PLPPR5: variants seen among roughly 807,000 people sequenced by gnomAD.
PLPPR5 encodes the protein phospholipid phosphatase-related protein type 5.
PLPPR5 carries 16 observed loss-of-function variants against 33.9 expected under a neutral mutation model. That is an observed-to-expected ratio of 0.47 (90% CI 0.32 to 0.72). PLPPR5 has a LOEUF of 0.72. Ranked by LOEUF, PLPPR5 falls within the 30% of genes least tolerant of loss-of-function variation. PLPPR5 has a pLI of 0.03. For synonymous variants in PLPPR5, 163 were observed against 150.3 expected (o/e 1.08, Z -0.62); for missense variants, 301 against 406.7 (o/e 0.74, Z 2.23).
intron 5 of PLPPR5, among the ~76,000 whole-genome samples, chr1:98,911,024 C>T (rs1169878486): frequency 6.6e-6 from 1 of 152,006 alleles, no homozygotes; most frequent in Non-Finnish European, 1.5e-5. Flanking sequence ...GTAGGCTTTC[C>T]TTAAGTGGTA....
chr1:98,987,262 T>C (rs537580943), intron 1 of PLPPR5, among the ~76,000 whole-genome samples: 49 of 151,962 alleles, frequency 3.2e-4, no homozygotes, highest in African/African-American at 1.2e-3. Context: ...AAGAGAGGTA[T>C]TAAAATAATT....
intron 1 of PLPPR5, among the ~76,000 whole-genome samples, chr1:98,968,661 C>T (rs943326977): frequency 2.0e-5 from 3 of 151,900 alleles, no homozygotes; most frequent in Admixed American, 6.6e-5. Flanking sequence ...GCACTGTATG[C>T]CTGTATCAAA....
chr1:98,986,342 T>C (rs1296878373), intron 1 of PLPPR5, among the ~76,000 whole-genome samples: 1 of 151,848 alleles, frequency 6.6e-6, no homozygotes, highest in Non-Finnish European at 1.5e-5. Flanking sequence ...TGTACTAACA[T>C]TCATAAAATG....
intron 1 of PLPPR5, among the ~76,000 whole-genome samples, chr1:98,959,703 A>G (rs1264056593): frequency 6.6e-6 from 1 of 152,186 alleles, no homozygotes; most frequent in Admixed American, 6.5e-5. Flanking sequence ...AGCTCGGTCC[A>G]AGGAAACAGT....
chr1:99,003,094 T>TATAC (rs1652929993), intron 1 of PLPPR5, among the ~76,000 whole-genome samples: 3 of 132,456 alleles, frequency 2.3e-5, no homozygotes, highest in Non-Finnish European at 3.3e-5. Flanking sequence ...TATATATATA[T>TATAC]ATGTAAAACA....
chr1:98,892,903 A>G lies in PLPPR5; in HGVS notation c.*169T>C. 1 of 641,948 alleles carries G rather than the reference A, an allele frequency of 1.6e-6. No homozygotes were observed. The highest frequency in any genetic ancestry group is 2.0e-5 in the South Asian group (1 of 49,830). 39.8% of individuals were successfully genotyped at this position (641,948 alleles called of 1,614,324 possible). A position where few individuals can be genotyped will look rare whatever the true frequency, so the allele number is the denominator to read the frequency against. On this transcript the variant is annotated 3_prime_UTR_variant, in exon 6 of 6. Transcript: ENST00000263177. ...AAAAAAGACAATCCTGCCCTCGAGG[A>G]GCTCACAGTCTAGTGGGGGAAACAG...
At chr1:98,937,311 A>G (rs1051315492) in intron 3 of PLPPR5, among the ~76,000 whole-genome samples, 2 of 152,260 alleles carry the variant, frequency 1.3e-5, no homozygotes, top group African/African-American at 2.4e-5. Context: ...AAAGATGGCT[A>G]TAACAGTCTC....
chr1:98,957,663 G>C (rs891214440), intron 1 of PLPPR5, among the ~76,000 whole-genome samples: 3 of 152,102 alleles, frequency 2.0e-5, no homozygotes, highest in African/African-American at 7.2e-5. Flanking sequence ...AGAGCCTCCT[G>C]TTCTGAGACA....
rs1342027772 is a variant in PLPPR5 at position 98,939,315 on chromosome 1, T to TCCG, written c.621+13754_621+13755insCGG. 3.3e-3 allele frequency among the ~76,000 whole-genome samples: 489 copies of TCCG among 149,698 alleles called. 4 individuals carry two copies. The highest frequency in any genetic ancestry group is 7.0e-3 in the Middle Eastern group (2 of 284). ...AGAGGAAGGGATGCTAAAAGTGATT[T>TCCG]GCTTTTGTGTCAAATATGCTAGGTG... On this transcript the variant is annotated intron_variant, in intron 3 of 5. Coordinates refer to ENST00000263177, the MANE Select transcript of PLPPR5 (RefSeq NM_001037317.2).
chr1:98,951,873 T>A (rs1232915040), intron 3 of PLPPR5, among the ~76,000 whole-genome samples: 1 of 152,192 alleles, frequency 6.6e-6, no homozygotes, highest in Non-Finnish European at 1.5e-5. Context: ...TGGTTTCGAA[T>A]TGGTCCTGAG....
intron 5 of PLPPR5, among the ~76,000 whole-genome samples, chr1:98,909,482 C>G (rs1011280003): frequency 8.6e-5 from 13 of 151,346 alleles, no homozygotes; most frequent in African/African-American, 3.2e-4. Context: ...GGAAAACTTT[C>G]CATGTTTTGA....
In PLPPR5 at chr1:99,004,562, G is replaced by C; in HGVS notation, c.110C>G (p.Thr37Ser). The change falls in exon 1 of 6, where the codon ACC becomes AGC. Residue 37 changes from threonine (T) to serine (S), a missense_variant. Coordinates refer to ENST00000263177, the MANE Select transcript of PLPPR5 (RefSeq NM_001037317.2). Reference protein sequence around the residue: ...AYYFEYTDTFTVNVQGFFCHD... With the variant: ...AYYFEYTDTFSVNVQGFFCHD... Reference sequence around the variant, plus strand: ...GCAGAAGAAGCCCTGCACGTTCACGGTGAACGTGTCCGTATACTCGAAGTA... The same window carrying C: ...GCAGAAGAAGCCCTGCACGTTCACGCTGAACGTGTCCGTATACTCGAAGTA... 1 of 1,613,110 alleles carries C rather than the reference G, an allele frequency of 6.2e-7. No homozygotes were observed. The highest frequency in any genetic ancestry group is 8.5e-7 in the Non-Finnish European group (1 of 1,179,868).
chr1:98,903,214 G>T (rs189552769), intron 5 of PLPPR5, among the ~76,000 whole-genome samples: 78 of 152,082 alleles, frequency 5.1e-4, no homozygotes, highest in Admixed American at 1.0e-3. Flanking sequence ...AATGCTCAAA[G>T]CCTAGATTAA....
At chr1:98,983,348 T>A (rs545138665) in intron 1 of PLPPR5, among the ~76,000 whole-genome samples, 216 of 132,376 alleles carry the variant, frequency 1.6e-3, no homozygotes, top group South Asian at 0.013. Context: ...TTTGGTTTTT[T>A]GTTCTTGCGA....
chr1:98,909,922 A>T (rs895597805), intron 5 of PLPPR5, among the ~76,000 whole-genome samples: 2 of 152,198 alleles, frequency 1.3e-5, no homozygotes, highest in African/African-American at 4.8e-5. Context: ...GTTCAGATAG[A>T]TATACTTGTC....
Position 98,969,838 on chromosome 1 carries a change from C to G in PLPPR5, c.238-13097G>C, listed in dbSNP as rs141539551. ...CATGTTTCTGTTGTACAGTGGTCAC[C>G]TGTAAGTGCCCTGCCACTGCATTCA... On this transcript the variant is annotated intron_variant, in intron 1 of 5. Transcript: ENST00000263177. Among the ~76,000 whole-genome samples, 579 of 152,014 alleles carry G rather than the reference C, an allele frequency of 3.8e-3. 3 individuals are homozygous for G. The highest frequency in any genetic ancestry group is 0.013 in the African/African-American group (560 of 41,490).
chr1:98,893,270 T>G (rs956549667), intron 5 of PLPPR5, among the ~76,000 whole-genome samples, 166 bp from the exon 6 acceptor site: 2 of 152,104 alleles, frequency 1.3e-5, no homozygotes, highest in Admixed American at 6.6e-5. Flanking sequence ...CAATTTTTGC[T>G]GCTAATTACA....
intron 3 of PLPPR5, among the ~76,000 whole-genome samples, chr1:98,935,067 A>G (rs887566653): frequency 6.6e-6 from 1 of 152,182 alleles, no homozygotes; most frequent in African/African-American, 2.4e-5. Context: ...TTGGGGGTGG[A>G]TTACATGATT....
chr1:98,944,434 G>A (rs1408357154), intron 3 of PLPPR5, among the ~76,000 whole-genome samples: 1 of 152,186 alleles, frequency 6.6e-6, no homozygotes, highest in Non-Finnish European at 1.5e-5. Context: ...ATTAAGAGGT[G>A]GAGTGCTTAG....
Sources: gnomAD v4.1 joint callset for allele counts (sites outside exome capture counted in the v4.1 genomes callset) on GRCh38, gnomAD v4.1.1 for gene constraint, MANE v1.5 for transcripts, NCBI Gene and HGNC (gene_info 2026-07-23, HGNC 2026-07-21) for gene names.